NPIPB11: variants seen among roughly 807,000 people sequenced by gnomAD.
NPIPB11 encodes the protein nuclear pore complex interacting protein family member B11.
A neutral mutation model predicts 32.8 loss-of-function variants in NPIPB11; 17 were observed. The ratio of observed to expected loss-of-function variants is 0.52; its 90% CI spans 0.35 to 0.78. NPIPB11 has a LOEUF of 0.78. Ranked by LOEUF, NPIPB11 falls within the 30% of genes least tolerant of loss-of-function variation. NPIPB11 has a pLI of 0.01. For synonymous variants in NPIPB11, 209 were observed against 398.4 expected, an observed-to-expected ratio of 0.52 and a Z score of 5.66; for missense variants, 537 against 1,000.4, an observed-to-expected ratio of 0.54 and a Z score of 6.25.
chr16:29,391,692 C>G (rs528570030), intron 3 of NPIPB11, among the ~76,000 whole-genome samples: 1 of 152,258 alleles, frequency 6.6e-6, no homozygotes, highest in Non-Finnish European at 1.5e-5. Flanking sequence ...AGATGTCGGT[C>G]AGATACCTAT....
chr16:29,402,939 A>C (rs958519647), intron 2 of NPIPB11, among the ~76,000 whole-genome samples: 8 of 146,952 alleles, frequency 5.4e-5, no homozygotes, highest in African/African-American at 2.1e-4. Flanking sequence ...CATGTTGTAA[A>C]ATAAATGTGA....
At chr16:29,406,150 C>T (rs1302694446), upstream of NPIPB11, among the ~76,000 whole-genome samples, 1 of 152,222 alleles carries the variant, frequency 6.6e-6, no homozygotes, top group Admixed American at 6.5e-5. Flanking sequence ...CAGCTGCATC[C>T]CTTGGGGAGT....
At chr16:29,397,169 TAAA>T (rs561934286) in intron 2 of NPIPB11, among the ~76,000 whole-genome samples, 3 of 138,864 alleles carry the variant, frequency 2.2e-5, no homozygotes, top group Non-Finnish European at 3.1e-5. Flanking sequence ...AGACTCTGTC[TAAA>T]AAAAAAAAAA....
At chr16:29,399,849 C>T (rs4017100) in intron 2 of NPIPB11, among the ~76,000 whole-genome samples, 2 of 152,014 alleles carry the variant, frequency 1.3e-5, no homozygotes, top group Non-Finnish European at 2.9e-5. Context: ...GAGGCTGAGG[C>T]AGGCGCATCA....
At chr16:29,406,187 G>C (rs1424674608), upstream of NPIPB11, among the ~76,000 whole-genome samples, 1 of 152,254 alleles carries the variant, frequency 6.6e-6, no homozygotes, top group Admixed American at 6.5e-5. Context: ...TCATCTTGTA[G>C]AGGTATTAAG....
exon 8 of NPIPB11, chr16:29,383,182 C>T (rs769570707): frequency 2.5e-5 from 40 of 1,590,696 alleles, no homozygotes; most frequent in Admixed American, 3.5e-5. Flanking sequence ...AGATGCTCGG[C>T]AGGTGTCTTG....
At chr16:29,399,752 T>A (rs1963944583) in intron 2 of NPIPB11, among the ~76,000 whole-genome samples, 1 of 150,318 alleles carries the variant, frequency 6.7e-6, no homozygotes, top group African/African-American at 2.5e-5. Context: ...AACTATGGAA[T>A]TCAATTCTAT....
chr16:29,390,535 C>A, intron 3 of NPIPB11, among the ~76,000 whole-genome samples, 187 bp from the exon 4 acceptor site: 1 of 151,524 alleles, frequency 6.6e-6, no homozygotes, highest in Non-Finnish European at 1.5e-5. Flanking sequence ...CGCCTGTAAT[C>A]CAAGCTACTC....
At chr16:29,391,755 C>T (rs1963728283) in intron 3 of NPIPB11, among the ~76,000 whole-genome samples, 1 of 152,098 alleles carries the variant, frequency 6.6e-6, no homozygotes, top group Non-Finnish European at 1.5e-5. Flanking sequence ...TGGAGTGTCA[C>T]TCTCAACCAT....
chr16:29,391,657 G>A (rs367725698), intron 3 of NPIPB11, among the ~76,000 whole-genome samples: 4 of 152,036 alleles, frequency 2.6e-5, no homozygotes, highest in African/African-American at 9.7e-5. Flanking sequence ...TCATCATAGC[G>A]AAAATGCAAT....
intron 5 of NPIPB11, among the ~76,000 whole-genome samples, chr16:29,389,187 T>A (rs1242055479): frequency 2.5e-5 from 3 of 121,752 alleles, no homozygotes. Flanking sequence ...AGAGTGAGAC[T>A]CTGTCTCAAA....
chr16:29,389,577 G>C (rs557949883), intron 5 of NPIPB11, among the ~76,000 whole-genome samples: 27 of 146,300 alleles, frequency 1.8e-4, no homozygotes, highest in East Asian at 1.2e-3. Flanking sequence ...GGGAGGCTGA[G>C]GCAGGAGAAT....
intron 5 of NPIPB11, among the ~76,000 whole-genome samples, chr16:29,389,389 A>AG: frequency 9.0e-6 from 1 of 111,018 alleles, no homozygotes; most frequent in African/African-American, 3.3e-5. Context: ...AAAAAAAAAA[A>AG]AAGGCTGGCT....
rs373191676 is a variant in NPIPB11, at chr16:29,390,482, A to G, written c.250-134T>C. ...AGCCTGGCCAAGATGGTGAAACCCCATCTCTACTAAAAATACAAAAATTAG... is the reference window on the plus strand; with the variant it reads ...AGCCTGGCCAAGATGGTGAAACCCCGTCTCTACTAAAAATACAAAAATTAG... On this transcript the variant is annotated intron_variant, in intron 3 of 7. Transcript: ENST00000524087. 44 of 1,396,880 alleles carry G rather than the reference A, an allele frequency of 3.1e-5. No individual in the cohort carries two copies. In the East Asian group the frequency reaches 3.7e-4, roughly 12 times the overall value. The allele number at this position is 1,396,880 out of a possible 1,614,324, so 86.5% of individuals were successfully genotyped here. A position where few individuals can be genotyped will look rare whatever the true frequency, so the allele number is the denominator to read the frequency against.
At chr16:29,400,075 C>A (rs1361036896) in intron 2 of NPIPB11, among the ~76,000 whole-genome samples, 1 of 151,610 alleles carries the variant, frequency 6.6e-6, no homozygotes, top group Non-Finnish European at 1.5e-5. Context: ...GAATGAGACT[C>A]TGTCTCAAAA....
exon 8 of NPIPB11, chr16:29,382,995 C>T (rs756085833): frequency 3.7e-6 from 6 of 1,602,698 alleles, no homozygotes; most frequent in East Asian, 4.5e-5. Context: ...TGAGCTGACG[C>T]TCGGAAGGTG....
chr16:29,401,013 C>T (rs1409517311), intron 2 of NPIPB11, among the ~76,000 whole-genome samples: 6 of 152,188 alleles, frequency 3.9e-5, no homozygotes, highest in Non-Finnish European at 5.9e-5. Context: ...ACCTCTGTGT[C>T]CTGGTCATTG....
chr16:29,398,906 TA>T (rs1278659055), intron 2 of NPIPB11, among the ~76,000 whole-genome samples: 17 of 152,012 alleles, frequency 1.1e-4, no homozygotes, highest in African/African-American at 3.1e-4. Context: ...TCCTTATCTA[TA>T]ATCATCTTAC....
chr16:29,397,612 G>A (rs912934019), intron 2 of NPIPB11: 27 of 1,498,898 alleles, frequency 1.8e-5, no homozygotes, highest in East Asian at 2.5e-5. Context: ...AGCCCAAAGA[G>A]GAGCCAAAAG....
Sources: gnomAD v4.1 joint callset for allele counts (sites outside exome capture counted in the v4.1 genomes callset) on GRCh38, gnomAD v4.1.1 for gene constraint, MANE v1.5 for transcripts, NCBI Gene and HGNC (gene_info 2026-07-23, HGNC 2026-07-21) for gene names.